Variants in RIMKLB observed in about 807,000 individuals in gnomAD.
RIMKLB encodes the protein beta-citrylglutamate synthase B.
A neutral mutation model predicts 32.0 loss-of-function variants in RIMKLB; 7 were observed. The ratio of observed to expected loss-of-function variants is 0.22; its 90% CI spans 0.12 to 0.41. The LOEUF is 0.41. Among genes scored for constraint, RIMKLB ranks in the 10% least tolerant of loss-of-function variants. The pLI, the probability that RIMKLB is intolerant of heterozygous loss-of-function variation, is 1.00. For synonymous variants in RIMKLB, 172 were observed against 185.1 expected (o/e 0.93, Z 0.57); for missense variants, 289 against 498.7 (o/e 0.58, Z 4.00).
chr12:8,694,396 C>CTT (rs34896689), upstream of RIMKLB, among the ~76,000 whole-genome samples: 2 of 122,492 alleles, frequency 1.6e-5, no homozygotes, highest in Non-Finnish European at 3.3e-5. Flanking sequence ...AATTTTTTTT[C>CTT]TTTTTTTTTT....
At chr12:8,756,414 C>G (rs1176988836) in intron 5 of RIMKLB, among the ~76,000 whole-genome samples, 1 of 152,080 alleles carries the variant, frequency 6.6e-6, no homozygotes, top group Admixed American at 6.5e-5. Context: ...TCTCTGAGAT[C>G]TATAATCACA....
chr12:8,760,554 T>C (rs781230711), intron 5 of RIMKLB, among the ~76,000 whole-genome samples: 9 of 152,282 alleles, frequency 5.9e-5, no homozygotes, highest in East Asian at 1.9e-4. Context: ...CTTTACAGTC[T>C]CACCAACAGT....
In RIMKLB at chr12:8,691,153, T is replaced by C. The variant is rs1285015336; in HGVS notation, n.219+9335T>C. Among the ~76,000 whole-genome samples the C allele has an allele frequency of 2.0e-5, 3 of 152,142 alleles. 1 individual carries two copies. Among genetic ancestry groups the C allele is most frequent in the Middle Eastern group, 6.8e-3 (2 of 294 alleles). ...TACCCAGAAAAGTTCTGCGAAACAATACGAAAGATGGGAACCTGTATGAGT... is the reference window on the plus strand; with the variant it reads ...TACCCAGAAAAGTTCTGCGAAACAACACGAAAGATGGGAACCTGTATGAGT... On this transcript the variant is annotated intron_variant and non_coding_transcript_variant, in intron 1 of 1. Coordinates refer to the RIMKLB transcript ENST00000538758.
chr12:8,775,420 A>C lies in RIMKLB; in HGVS notation c.*1636A>C. ...ATTGATGGGTTTGGATGGTATGTTAAGAAATGGAGATGCTGCAGAGCCCAA... is the reference window on the plus strand; with the variant it reads ...ATTGATGGGTTTGGATGGTATGTTACGAAATGGAGATGCTGCAGAGCCCAA... On this transcript the variant is annotated 3_prime_UTR_variant, in exon 6 of 6. Coordinates refer to ENST00000535829, the MANE Select transcript of RIMKLB (RefSeq NM_001297776.2). 1.0e-6 allele frequency: 1 copy of C among 985,604 alleles called. No individual in the cohort carries two copies. Among genetic ancestry groups the C allele is most frequent in the Non-Finnish European group, 1.2e-6 (1 of 829,916 alleles). 61.1% of individuals were successfully genotyped at this position (985,604 alleles called of 1,614,324 possible).
intron 1 of RIMKLB, among the ~76,000 whole-genome samples, chr12:8,684,335 A>G (rs11046766): frequency 0.27 from 40,024 of 150,868 alleles, 5,548 homozygotes; most frequent in Non-Finnish European, 0.31. Context: ...ACCACACCCA[A>G]CTAATTTTTG....
chr12:8,698,175 G>C lies in RIMKLB; in HGVS notation c.-179G>C. The C allele has an allele frequency of 5.9e-6, 2 of 336,206 alleles. No individual in the cohort carries two copies. Among genetic ancestry groups the C allele is most frequent in the Non-Finnish European group, 1.2e-5 (2 of 167,416 alleles). The allele number at this position is 336,206 out of a possible 1,614,324, so 20.8% of individuals were successfully genotyped here. A position where few individuals can be genotyped will look rare whatever the true frequency, so the allele number is the denominator to read the frequency against. On this transcript the variant is annotated 5_prime_UTR_variant, in exon 1 of 6. Coordinates refer to ENST00000535829, the MANE Select transcript of RIMKLB (RefSeq NM_001297776.2). ...CGGAGGAGAAAGGAGGCGGCTCCCGGTATCCCGACCCCCTCCCCCTCCTCT... is the reference window on the plus strand; with the variant it reads ...CGGAGGAGAAAGGAGGCGGCTCCCGCTATCCCGACCCCCTCCCCCTCCTCT...
rs1950748099 is a variant in RIMKLB, at chr12:8,776,724, C to T, written c.*2940C>T. The stretch of plus-strand genomic sequence containing the variant: ...TGATTGGTCATTTCTGCTGGCTTTT[C>T]TCCAATGAACATTGAAATCTTCCTG... On this transcript the variant is annotated 3_prime_UTR_variant, in exon 6 of 6. Transcript: ENST00000535829. 1 of 985,090 alleles carries T rather than the reference C, an allele frequency of 1.0e-6. No homozygotes were observed. The highest frequency in any genetic ancestry group is 1.2e-6 in the Non-Finnish European group (1 of 829,814). The allele number at this position is 985,090 out of a possible 1,614,324, so 61.0% of individuals were successfully genotyped here.
chr12:8,760,239 C>G (rs780351359), intron 5 of RIMKLB, among the ~76,000 whole-genome samples: 3 of 152,162 alleles, frequency 2.0e-5, no homozygotes, highest in African/African-American at 7.2e-5. Context: ...TGATGGTTTC[C>G]AGTTTCATCC....
intron 4 of RIMKLB, among the ~76,000 whole-genome samples, chr12:8,752,733 ATTGT>A (rs1209921797): frequency 1.3e-5 from 2 of 150,200 alleles, no homozygotes; most frequent in Non-Finnish European, 3.0e-5. Flanking sequence ...TGTTGTTGTT[ATTGT>A]TTGTTTTTTG....
chr12:8,669,543 G>A, the RIMKLB span, among the ~76,000 whole-genome samples: 28 of 152,030 alleles, frequency 1.8e-4, no homozygotes, highest in Non-Finnish European at 1.0e-4. Flanking sequence ...TAATATTTAT[G>A]GAGAATTTGT....
chr12:8,703,494 A>AT lies in RIMKLB; in HGVS notation c.-57+5206dup, dbSNP rs201100921. ...AGGCCTGTGCCAACATACCCGGCTA[A>AT]TTTTTTTTTCTTTCACTTTTTGTAG... On this transcript the variant is annotated intron_variant, in intron 1 of 5. Coordinates refer to ENST00000535829, the MANE Select transcript of RIMKLB (RefSeq NM_001297776.2). 3.7e-3 allele frequency among the ~76,000 whole-genome samples: 554 copies of AT among 151,430 alleles called. 5 individuals carry two copies. The highest frequency in any genetic ancestry group is 0.013 in the African/African-American group (536 of 41,228).
chr12:8,735,015 T>C (rs910069795), intron 2 of RIMKLB, among the ~76,000 whole-genome samples: 1 of 152,128 alleles, frequency 6.6e-6, no homozygotes, highest in Non-Finnish European at 1.5e-5. Context: ...ATTGAGGTAG[T>C]TTTCTCGCTT....
Position 8,732,756 on chromosome 12 carries a change from T to TACACACACACACACACACAC in RIMKLB, c.176-17099_176-17080dup, listed in dbSNP as rs775849283. Among the ~76,000 whole-genome samples, 740 of 149,988 alleles carry TACACACACACACACACACAC rather than the reference T, an allele frequency of 4.9e-3. 7 individuals are homozygous for TACACACACACACACACACAC. Among genetic ancestry groups the TACACACACACACACACACAC allele is most frequent in the African/African-American group, 0.017 (692 of 40,172 alleles). ...CATGCAACAGAAAATTATATATATA[T>TACACACACACACACACACAC]ACACACACACACACACACACACACA... On this transcript the variant is annotated intron_variant, in intron 2 of 5. Transcript: ENST00000535829.
chr12:8,720,792 G>A (rs1433453124), intron 2 of RIMKLB, among the ~76,000 whole-genome samples: 4 of 152,046 alleles, frequency 2.6e-5, no homozygotes, highest in African/African-American at 7.3e-5. Flanking sequence ...CGCCCCCCTC[G>A]GCTTCCCAAA....
chr12:8,702,029 T>A (rs571847256), intron 1 of RIMKLB, among the ~76,000 whole-genome samples: 2 of 152,002 alleles, frequency 1.3e-5, no homozygotes, highest in Non-Finnish European at 2.9e-5. Context: ...AAAATAGATC[T>A]TATGGGGACA....
At chr12:8,725,465 A>G (rs2137170628) in intron 2 of RIMKLB, among the ~76,000 whole-genome samples, 1 of 152,152 alleles carries the variant, frequency 6.6e-6, no homozygotes, top group East Asian at 1.9e-4. Context: ...TGTAGTAGAG[A>G]TGAGATTTTG....
chr12:8,717,977 C>T (rs185826892), intron 2 of RIMKLB, among the ~76,000 whole-genome samples: 1 of 152,304 alleles, frequency 6.6e-6, no homozygotes, highest in African/African-American at 2.4e-5. Flanking sequence ...TGTCCTTGGG[C>T]TAGCAGAATT....
intron 1 of RIMKLB, among the ~76,000 whole-genome samples, chr12:8,689,880 T>A (rs1942681690): frequency 6.6e-6 from 1 of 152,198 alleles, no homozygotes; most frequent in Admixed American, 6.5e-5. Flanking sequence ...AAATCCCCCC[T>A]CTTCTGCGCC....
At chr12:8,673,092 G>C in the RIMKLB span, among the ~76,000 whole-genome samples, 3 of 152,096 alleles carry the variant, frequency 2.0e-5, no homozygotes, top group Non-Finnish European at 4.4e-5. Flanking sequence ...ATGTTAGCCA[G>C]GCTAGTCTTG....
Sources: gnomAD v4.1 joint callset for allele counts (sites outside exome capture counted in the v4.1 genomes callset) on GRCh38, gnomAD v4.1.1 for gene constraint, MANE v1.5 for transcripts, NCBI Gene and HGNC (gene_info 2026-07-23, HGNC 2026-07-21) for gene names.